The following TMEM120B variants were observed in gnomAD, a reference collection of about 807,000 sequenced individuals.
TMEM120B encodes the protein transmembrane protein 120B.
A neutral mutation model predicts 55.5 loss-of-function variants in TMEM120B; 31 were observed. The observed-to-expected ratio is 0.56, with a 90% confidence interval of 0.42 to 0.75. The LOEUF is 0.75. TMEM120B is among the 30% of genes least tolerant of loss of function. The pLI is 0.00. For missense variants in TMEM120B, 399 were observed against 425.5 expected, an observed-to-expected ratio of 0.94 and a Z score of 0.55; for synonymous variants, 203 against 176.3, an observed-to-expected ratio of 1.15 and a Z score of -1.20.
intron 8 of TMEM120B, among the ~76,000 whole-genome samples, 166 bp from the exon 9 acceptor site, chr12:121,773,255 T>A (rs1874119646): frequency 6.6e-6 from 1 of 152,164 alleles, no homozygotes; most frequent in Non-Finnish European, 1.5e-5. Context: ...GACCAGAGTG[T>A]GTGTGTCTGT....
At chr12:121,759,753 T>C (rs1210343866) in intron 5 of TMEM120B, among the ~76,000 whole-genome samples, 7 of 151,930 alleles carry the variant, frequency 4.6e-5, no homozygotes, top group Admixed American at 4.6e-4. Flanking sequence ...GCCAGCACTT[T>C]TGGGAGGCTG....
intron 1 of TMEM120B, among the ~76,000 whole-genome samples, chr12:121,717,051 G>T (rs1478106343): frequency 6.6e-6 from 1 of 152,188 alleles, no homozygotes; most frequent in African/African-American, 2.4e-5. Context: ...GAACCCTGGG[G>T]CACAGTTGAG....
intron 5 of TMEM120B, chr12:121,758,926 T>C (rs1312410163): frequency 2.0e-6 from 2 of 984,198 alleles, no homozygotes; most frequent in Non-Finnish European, 2.4e-6. Flanking sequence ...GTGGTCACCA[T>C]GGAGGAGGAC....
chr12:121,748,193 GTA>G (rs1873157941), intron 2 of TMEM120B, 131 bp from the exon 3 acceptor site: 1 of 401,370 alleles, frequency 2.5e-6, no homozygotes, highest in Non-Finnish European at 4.6e-6. Flanking sequence ...GGAGGCTGGG[GTA>G]GAAGGTGGGA....
intron 4 of TMEM120B, 131 bp downstream of exon 4, chr12:121,750,570 C>G: frequency 3.0e-6 from 2 of 663,510 alleles, no homozygotes; most frequent in Non-Finnish European, 5.3e-6. Context: ...CACCTCAAAC[C>G]CACACCCACA....
chr12:121,769,029 G>A (rs764050098), intron 6 of TMEM120B, among the ~76,000 whole-genome samples: 1 of 151,738 alleles, frequency 6.6e-6, no homozygotes, highest in Admixed American at 6.6e-5. Context: ...GCCTGTAGTC[G>A]CAGCTACTCG....
intron 9 of TMEM120B, among the ~76,000 whole-genome samples, chr12:121,774,329 G>A (rs1040925809): frequency 2.6e-5 from 4 of 152,124 alleles, no homozygotes; most frequent in South Asian, 2.1e-4. Flanking sequence ...CTCAAGACTC[G>A]ATAGAACTAA....
At chr12:121,754,897 C>T (rs536259426) in intron 5 of TMEM120B, among the ~76,000 whole-genome samples, 63 of 152,210 alleles carry the variant, frequency 4.1e-4, no homozygotes, top group African/African-American at 1.5e-3. Context: ...GGAAGCCTGC[C>T]CTGCTGTTTA....
intron 1 of TMEM120B, among the ~76,000 whole-genome samples, chr12:121,729,043 G>A (rs1433023080): frequency 6.6e-6 from 1 of 152,202 alleles, no homozygotes; most frequent in Non-Finnish European, 1.5e-5. Flanking sequence ...CTCTCTCCTG[G>A]AGCCTGTGGC....
At chr12:121,760,721 G>A (rs1183732261) in intron 5 of TMEM120B, among the ~76,000 whole-genome samples, 1 of 152,064 alleles carries the variant, frequency 6.6e-6, no homozygotes, top group East Asian at 1.9e-4. Flanking sequence ...CACTGGGTGT[G>A]GCCAATTATT....
intron 1 of TMEM120B, among the ~76,000 whole-genome samples, chr12:121,729,098 G>A (rs1288508516): frequency 6.6e-6 from 1 of 152,192 alleles, no homozygotes; most frequent in Non-Finnish European, 1.5e-5. Flanking sequence ...ACTGAGTGTG[G>A]CAGAGGGATG....
chr12:121,772,037 TTCTC>T (rs910244116), intron 8 of TMEM120B, among the ~76,000 whole-genome samples: 30 of 114,120 alleles, frequency 2.6e-4, no homozygotes, highest in African/African-American at 1.1e-3. Flanking sequence ...CTTTCTTTCT[TTCTC>T]TTTCTTTCTT....
intron 1 of TMEM120B, among the ~76,000 whole-genome samples, chr12:121,724,959 A>G (rs1180130157): frequency 6.6e-6 from 1 of 152,194 alleles, no homozygotes; most frequent in African/African-American, 2.4e-5. Flanking sequence ...GCTCCATGTC[A>G]GTCATTTACG....
rs751392749 is a variant in TMEM120B at position 121,781,064 on chromosome 12, C to A, written c.*5342C>A. Reference sequence around the variant, plus strand: ...GCCGGGCCCAGATGTGGGGCCACCACCCAGGAGGCCGGCCTCACCTTGATG... The same window carrying A: ...GCCGGGCCCAGATGTGGGGCCACCAACCAGGAGGCCGGCCTCACCTTGATG... On this transcript the variant is annotated 3_prime_UTR_variant, in exon 12 of 12. Transcript: ENST00000449592. The A allele has an allele frequency of 2.5e-6, 4 of 1,613,960 alleles. No individual in the cohort carries two copies. Among genetic ancestry groups the A allele is most frequent in the Non-Finnish European group, 3.4e-6 (4 of 1,179,842 alleles).
intron 6 of TMEM120B, among the ~76,000 whole-genome samples, chr12:121,769,728 G>GTGTGTGTGTA (rs1873972222): frequency 1.3e-5 from 2 of 151,854 alleles, no homozygotes; most frequent in Admixed American, 6.6e-5. Flanking sequence ...GTGTGTGTGT[G>GTGTGTGTGTA]TGTGTGTGTA....
chr12:121,756,668 A>G (rs980008156), intron 5 of TMEM120B, among the ~76,000 whole-genome samples: 1 of 152,184 alleles, frequency 6.6e-6, no homozygotes, highest in African/African-American at 2.4e-5. Context: ...CACCAACTGT[A>G]AGGGCCCTGG....
chr12:121,730,647 CAAAA>C (rs71079088), intron 1 of TMEM120B, among the ~76,000 whole-genome samples: 2 of 94,514 alleles, frequency 2.1e-5, no homozygotes, highest in African/African-American at 5.2e-5. Flanking sequence ...GAGACACAGT[CAAAA>C]AAAAAAAAAA....
At chr12:121,742,155 A>G (rs998155876) in intron 1 of TMEM120B, among the ~76,000 whole-genome samples, 1 of 152,108 alleles carries the variant, frequency 6.6e-6, no homozygotes, top group African/African-American at 2.4e-5. Context: ...GGCATACGCC[A>G]CCATGCCCGG....
intron 1 of TMEM120B, among the ~76,000 whole-genome samples, chr12:121,714,628 C>T (rs561276371): frequency 5.7e-5 from 8 of 139,374 alleles, no homozygotes; most frequent in Admixed American, 7.8e-5. Flanking sequence ...GTGGCACGAT[C>T]GTGGCTCACT....
Sources: gnomAD v4.1 joint callset for allele counts (sites outside exome capture counted in the v4.1 genomes callset) on GRCh38, gnomAD v4.1.1 for gene constraint, MANE v1.5 for transcripts, NCBI Gene and HGNC (gene_info 2026-07-23, HGNC 2026-07-21) for gene names.